The following KPNA3 variants were observed in gnomAD, a reference collection of about 807,000 sequenced individuals.
KPNA3 encodes the protein importin subunit alpha-4.
KPNA3 carries 13 observed loss-of-function variants against 73.8 expected under a neutral mutation model. The ratio of observed to expected loss-of-function variants is 0.18; its 90% CI spans 0.11 to 0.28. The LOEUF (loss-of-function observed/expected upper bound fraction) is 0.28, where lower values mean the gene tolerates loss of function less well. Among genes scored for constraint, KPNA3 ranks in the 10% least tolerant of loss-of-function variants. The pLI, the probability that KPNA3 is intolerant of heterozygous loss-of-function variation, is 1.00. For missense variants in KPNA3, 360 were observed against 618.1 expected (o/e 0.58, Z 4.43); for synonymous variants, 186 against 206.9 (o/e 0.90, Z 0.87).
chr13:49,704,449 AT>A lies in KPNA3; in HGVS notation c.1372+1171del, dbSNP rs1235403018. On this transcript the variant is annotated intron_variant, in intron 15 of 16. Coordinates refer to ENST00000261667, the MANE Select transcript of KPNA3 (RefSeq NM_002267.4). The stretch of plus-strand genomic sequence containing the variant: ...AAATAAATAAAAAATAAATAAATAA[AT>A]AAATAAATAAATAAATAAATAAATA... 2.3e-4 allele frequency among the ~76,000 whole-genome samples: 14 copies of A among 62,106 alleles called. No individual in the cohort carries two copies. In the East Asian group the frequency reaches 4.3e-3, roughly 19 times the overall value. 40.7% of individuals were successfully genotyped at this position (62,106 alleles called of 152,430 possible). A position where few individuals can be genotyped will look rare whatever the true frequency, so the allele number is the denominator to read the frequency against.
At chr13:49,766,565 A>G (rs1380531144) in intron 1 of KPNA3, among the ~76,000 whole-genome samples, 1 of 152,204 alleles carries the variant, frequency 6.6e-6, no homozygotes, top group African/African-American at 2.4e-5. Flanking sequence ...TAAAAATCAA[A>G]TAACTTAGAA....
chr13:49,702,139 A>G (rs890522214), intron 16 of KPNA3, among the ~76,000 whole-genome samples: 9 of 152,316 alleles, frequency 5.9e-5, no homozygotes, highest in South Asian at 4.1e-4. Context: ...ATCTGAACAT[A>G]TATCACTTAT....
chr13:49,763,511 T>TA (rs1244693374), intron 1 of KPNA3, among the ~76,000 whole-genome samples: 2 of 152,240 alleles, frequency 1.3e-5, no homozygotes, highest in African/African-American at 4.8e-5. Context: ...CCAGAATTGA[T>TA]AAAAAACAAT....
intron 1 of KPNA3, among the ~76,000 whole-genome samples, chr13:49,748,729 A>T (rs1954638781): frequency 1.3e-5 from 2 of 152,100 alleles, no homozygotes; most frequent in Admixed American, 1.3e-4. Context: ...ATGTGATGGA[A>T]TTATATACTG....
intron 1 of KPNA3, among the ~76,000 whole-genome samples, chr13:49,779,636 TTAACAAA>T (rs1954925268): frequency 6.6e-6 from 1 of 152,176 alleles, no homozygotes; most frequent in Non-Finnish European, 1.5e-5. Flanking sequence ...ACCACCCTTC[TTAACAAA>T]TAAAAAACAA....
chr13:49,722,715 C>A, intron 7 of KPNA3, 152 bp from the exon 8 acceptor site: 3 of 492,226 alleles, frequency 6.1e-6, no homozygotes, highest in Non-Finnish European at 1.1e-5. Flanking sequence ...GAATCAATTT[C>A]AGTATTTTCC....
chr13:49,792,544 T>TGCGGCG lies in KPNA3; in HGVS notation c.-44_-39dup, dbSNP rs377544239. On this transcript the variant is annotated 5_prime_UTR_variant, in exon 1 of 17. Transcript: ENST00000261667. Reference sequence around the variant, plus strand: ...CTCCGGCGGCGGCTACTCCTGCGGCTGCGGCGGCGGCGGCGGCGAATCTTG... The same window carrying TGCGGCG: ...CTCCGGCGGCGGCTACTCCTGCGGCTGCGGCGGCGGCGGCGGCGGCGGCGAATCTTG... 2.3e-3 allele frequency: 3,014 copies of TGCGGCG among 1,288,944 alleles called. 54 individuals carry two copies. The African/African-American group carries it at 0.045, about 19-fold the overall frequency. 79.8% of individuals were successfully genotyped at this position (1,288,944 alleles called of 1,614,324 possible). A position where few individuals can be genotyped will look rare whatever the true frequency, so the allele number is the denominator to read the frequency against.
chr13:49,704,930 A>C (rs908523804), intron 15 of KPNA3, among the ~76,000 whole-genome samples: 14 of 152,230 alleles, frequency 9.2e-5, no homozygotes, highest in Non-Finnish European at 2.9e-5. Flanking sequence ...ATAACACACA[A>C]AAAAAGTGTT....
chr13:49,756,071 T>G (rs142782603), intron 1 of KPNA3, among the ~76,000 whole-genome samples: 44 of 152,168 alleles, frequency 2.9e-4, no homozygotes, highest in African/African-American at 9.4e-4. Context: ...AATTTGAGAT[T>G]AGCCTGGGCA....
At chr13:49,790,004 G>A (rs1038384585) in intron 1 of KPNA3, among the ~76,000 whole-genome samples, 3 of 152,186 alleles carry the variant, frequency 2.0e-5, no homozygotes, top group African/African-American at 2.4e-5. Context: ...GTTCTGCATT[G>A]TAATTATCAC....
At chr13:49,719,937 A>G in intron 9 of KPNA3, 118 bp from the exon 10 acceptor site, 1 of 642,162 alleles carries the variant, frequency 1.6e-6, no homozygotes, top group East Asian at 3.1e-5. Flanking sequence ...ACAATGTTAA[A>G]TTTGTCTGAA....
At chr13:49,774,681 C>G (rs1443563626) in intron 1 of KPNA3, among the ~76,000 whole-genome samples, 1 of 152,148 alleles carries the variant, frequency 6.6e-6, no homozygotes, top group East Asian at 1.9e-4. Context: ...TAAAGTTTAG[C>G]CATGACCACA....
In KPNA3 at chr13:49,717,440, G is replaced by GAAAAAAAAAAA. The variant is rs61581557; in HGVS notation, c.771+2324_771+2334dup. 1.3e-4 allele frequency among the ~76,000 whole-genome samples: 17 copies of GAAAAAAAAAAA among 126,864 alleles called. 1 individual carries two copies. The highest frequency in any genetic ancestry group is 5.0e-4 in the East Asian group (2 of 4,034). 83.2% of individuals were successfully genotyped at this position (126,864 alleles called of 152,430 possible). A position where few individuals can be genotyped will look rare whatever the true frequency, so the allele number is the denominator to read the frequency against. On this transcript the variant is annotated intron_variant, in intron 10 of 16. Coordinates refer to ENST00000261667, the MANE Select transcript of KPNA3 (RefSeq NM_002267.4). ...GCAAGACTCCATCTCGGAAAAAAAA[G>GAAAAAAAAAAA]AAAAAAAAAAAAAAAAGAATCAAAG...
intron 1 of KPNA3, among the ~76,000 whole-genome samples, chr13:49,765,520 TGA>T (rs549258794): frequency 1.8e-4 from 27 of 152,286 alleles, no homozygotes; most frequent in Admixed American, 1.2e-3. Context: ...TCATATTTTC[TGA>T]GAGGAGGTCT....
intron 1 of KPNA3, among the ~76,000 whole-genome samples, chr13:49,776,407 C>A (rs556476205): frequency 6.6e-6 from 1 of 152,230 alleles, no homozygotes; most frequent in Non-Finnish European, 1.5e-5. Flanking sequence ...AGGATTCCAG[C>A]CAAGAGAATT....
At chr13:49,779,253 T>C (rs1349385888) in intron 1 of KPNA3, among the ~76,000 whole-genome samples, 1 of 152,232 alleles carries the variant, frequency 6.6e-6, no homozygotes, top group Non-Finnish European at 1.5e-5. Context: ...AGTACAGTAC[T>C]TACCTCAGCT....
At chr13:49,719,877 G>T in intron 9 of KPNA3, 58 bp from the exon 10 acceptor site, 2 of 1,110,164 alleles carry the variant, frequency 1.8e-6, no homozygotes, top group South Asian at 1.3e-5. Flanking sequence ...CTGTAAAAAT[G>T]AACAACTTTG....
At chr13:49,725,769 G>A (rs766325478) in intron 6 of KPNA3, among the ~76,000 whole-genome samples, 2 of 151,894 alleles carry the variant, frequency 1.3e-5, no homozygotes, top group East Asian at 1.9e-4. Context: ...CACCTCCCAA[G>A]TAGCTGGGAT....
chr13:49,747,162 C>T (rs765101160), intron 1 of KPNA3, among the ~76,000 whole-genome samples, 169 bp from the exon 2 acceptor site: 13 of 151,778 alleles, frequency 8.6e-5, no homozygotes, highest in Non-Finnish European at 1.8e-4. Flanking sequence ...GCCAACATGG[C>T]GAAACCTAGT....
Sources: gnomAD v4.1 joint callset for allele counts (sites outside exome capture counted in the v4.1 genomes callset) on GRCh38, gnomAD v4.1.1 for gene constraint, MANE v1.5 for transcripts, NCBI Gene and HGNC (gene_info 2026-07-23, HGNC 2026-07-21) for gene names.